The following IMMP2L variants were observed in gnomAD, a reference collection of about 807,000 sequenced individuals.
IMMP2L encodes the protein mitochondrial inner membrane protease subunit 2.
In IMMP2L, 18 loss-of-function variants were observed where a neutral mutation model predicts 19.3. The observed-to-expected ratio is 0.93, with a 90% confidence interval of 0.64 to 1.38. The LOEUF (loss-of-function observed/expected upper bound fraction) is 1.38, where lower values mean the gene tolerates loss of function less well. Ranked by LOEUF, IMMP2L falls within the 40% of genes most tolerant of loss-of-function variation. The pLI is 0.00. For synonymous variants in IMMP2L, 76 were observed against 73.0 expected, an observed-to-expected ratio of 1.04 and a Z score of -0.21; for missense variants, 233 against 218.2, an observed-to-expected ratio of 1.07 and a Z score of -0.43.
At chr7:111,268,642 G>A (rs1262110661) in intron 3 of IMMP2L, among the ~76,000 whole-genome samples, 3 of 119,194 alleles carry the variant, frequency 2.5e-5, no homozygotes, top group Non-Finnish European at 4.8e-5. Context: ...GCCCAGACTG[G>A]AATGCAGTGG....
chr7:111,167,013 G>T (rs79810061), intron 3 of IMMP2L, among the ~76,000 whole-genome samples: 6 of 151,986 alleles, frequency 3.9e-5, no homozygotes, highest in African/African-American at 4.8e-5. Context: ...TCATTCGGAG[G>T]GGGGGCAGGT....
At chr7:111,346,116 C>T (rs1827515659) in intron 3 of IMMP2L, among the ~76,000 whole-genome samples, 1 of 152,176 alleles carries the variant, frequency 6.6e-6, no homozygotes, top group Non-Finnish European at 1.5e-5. Flanking sequence ...GACAAATACA[C>T]TAAGTCAACG....
chr7:111,136,848 T>C (rs1373139528), intron 3 of IMMP2L, among the ~76,000 whole-genome samples: 1 of 152,184 alleles, frequency 6.6e-6, no homozygotes, highest in Non-Finnish European at 1.5e-5. Flanking sequence ...GAAAGATTCT[T>C]TCAGCAACCA....
At chr7:110,704,009 C>G (rs1251620183) in intron 5 of IMMP2L, among the ~76,000 whole-genome samples, 1 of 151,886 alleles carries the variant, frequency 6.6e-6, no homozygotes, top group Non-Finnish European at 1.5e-5. Flanking sequence ...CCACACCCGG[C>G]TAATTTTTTT....
intron 3 of IMMP2L, among the ~76,000 whole-genome samples, chr7:111,095,942 C>T (rs2129578751): frequency 6.6e-6 from 1 of 152,036 alleles, no homozygotes; most frequent in South Asian, 2.1e-4. Flanking sequence ...TAGAGTCAGA[C>T]TGAGAGCTCC....
chr7:110,797,904 A>G (rs1396487934), intron 5 of IMMP2L, among the ~76,000 whole-genome samples: 5 of 152,000 alleles, frequency 3.3e-5, no homozygotes, highest in Admixed American at 1.3e-4. Flanking sequence ...TTGTTTTGAA[A>G]TGGATCTTGC....
rs375845028 is a variant in IMMP2L at position 111,224,124 on chromosome 7, C to A, written c.240-260559G>T. On this transcript the variant is annotated intron_variant, in intron 3 of 5. Transcript: ENST00000405709. ...CCCCCTCTCTCAACCTGGGTTTACTCGTGGAGATAATGACACTGCCCTGCA... is the reference window on the plus strand; with the variant it reads ...CCCCCTCTCTCAACCTGGGTTTACTAGTGGAGATAATGACACTGCCCTGCA... Among the ~76,000 whole-genome samples, 19 of 152,018 alleles carry A rather than the reference C, an allele frequency of 1.2e-4. 1 individual carries two copies. Among genetic ancestry groups the A allele is most frequent in the African/African-American group, 4.6e-4 (19 of 41,410 alleles).
intron 3 of IMMP2L, among the ~76,000 whole-genome samples, chr7:111,175,999 G>A (rs552528184): frequency 1.3e-5 from 2 of 151,970 alleles, no homozygotes; most frequent in Admixed American, 1.3e-4. Flanking sequence ...ACATACAAAT[G>A]GCATACAGGT....
Position 111,410,545 on chromosome 7 carries a change from T to G in IMMP2L, c.239+76693A>C, listed in dbSNP as rs1366146106. On this transcript the variant is annotated intron_variant, in intron 3 of 5. Transcript: ENST00000405709. ...AAAAAAAAAATTAGAGACAGACAAA[T>G]AAAAGGGAGGAAAATGTTGCCCACA... 2.0e-5 allele frequency among the ~76,000 whole-genome samples: 3 copies of G among 146,432 alleles called. 1 individual carries two copies. The highest frequency in any genetic ancestry group is 7.6e-5 in the African/African-American group (3 of 39,388).
At chr7:111,112,633 C>T (rs945353283) in intron 3 of IMMP2L, among the ~76,000 whole-genome samples, 3 of 152,110 alleles carry the variant, frequency 2.0e-5, no homozygotes, top group Non-Finnish European at 2.9e-5. Flanking sequence ...ACAAATATAG[C>T]AATGTTGTTT....
intron 3 of IMMP2L, among the ~76,000 whole-genome samples, chr7:111,060,261 C>G (rs971780427): frequency 1.3e-5 from 2 of 152,188 alleles, no homozygotes; most frequent in Admixed American, 1.3e-4. Context: ...TTTGCAGGTA[C>G]TACCACCACT....
At chr7:111,515,726 A>C (rs1845822064) in intron 2 of IMMP2L, among the ~76,000 whole-genome samples, 1 of 152,076 alleles carries the variant, frequency 6.6e-6, no homozygotes, top group Non-Finnish European at 1.5e-5. Flanking sequence ...CCTTCTTATA[A>C]ACTTTAAAAT....
chr7:110,675,036 C>T (rs73207094), intron 5 of IMMP2L, among the ~76,000 whole-genome samples: 4,032 of 152,262 alleles, frequency 0.026, 72 homozygotes, highest in Middle Eastern at 0.092. Context: ...CCCCAATATC[C>T]AGTTCTACCC....
intron 5 of IMMP2L, among the ~76,000 whole-genome samples, chr7:110,847,522 T>C (rs1805789630): frequency 2.0e-5 from 3 of 152,180 alleles, no homozygotes; most frequent in Admixed American, 2.0e-4. Flanking sequence ...AGGTTCAACA[T>C]AACCTCAATC....
intron 1 of IMMP2L, among the ~76,000 whole-genome samples, chr7:111,553,403 T>G (rs1020371047): frequency 4.6e-5 from 7 of 152,156 alleles, no homozygotes; most frequent in Admixed American, 4.6e-4. Flanking sequence ...ACAGTATATG[T>G]CCCTGCATTC....
chr7:111,098,800 T>C (rs1797667661), intron 3 of IMMP2L, among the ~76,000 whole-genome samples: 3 of 151,826 alleles, frequency 2.0e-5, no homozygotes, highest in East Asian at 3.9e-4. Flanking sequence ...CCTAGGTTAG[T>C]TAGCTCGAAA....
intron 4 of IMMP2L, among the ~76,000 whole-genome samples, chr7:110,919,804 C>T (rs1025520464): frequency 1.5e-4 from 23 of 152,080 alleles, no homozygotes; most frequent in African/African-American, 5.1e-4. Flanking sequence ...AATAGTGTTC[C>T]TGGGTGTGTC....
intron 3 of IMMP2L, among the ~76,000 whole-genome samples, chr7:111,084,437 G>A (rs1190488439): frequency 2.6e-5 from 4 of 152,102 alleles, no homozygotes; most frequent in South Asian, 2.1e-4. Context: ...CAATTGGAGG[G>A]AAGGATTGAT....
intron 1 of IMMP2L, among the ~76,000 whole-genome samples, chr7:111,538,324 G>A (rs890572583): frequency 6.6e-5 from 10 of 152,004 alleles, no homozygotes; most frequent in African/African-American, 2.4e-4. Context: ...GAACAGCACT[G>A]CACAACCACA....
Sources: gnomAD v4.1 joint callset for allele counts (sites outside exome capture counted in the v4.1 genomes callset) on GRCh38, gnomAD v4.1.1 for gene constraint, MANE v1.5 for transcripts, NCBI Gene and HGNC (gene_info 2026-07-23, HGNC 2026-07-21) for gene names.